The following CEP295 variants were observed in gnomAD, a reference collection of about 807,000 sequenced individuals.
The protein encoded by CEP295 is centrosomal protein of 295 kDa.
In CEP295, 190 loss-of-function variants were observed where a neutral mutation model predicts 291.6. That is an observed-to-expected ratio of 0.65 (90% CI 0.58 to 0.73). CEP295 has a LOEUF of 0.73. Among genes scored for constraint, CEP295 ranks in the 30% least tolerant of loss-of-function variants. The pLI, the probability that CEP295 is intolerant of heterozygous loss-of-function variation, is 0.00. For missense variants in CEP295, 2,863 were observed against 2,949.4 expected, an observed-to-expected ratio of 0.97 and a Z score of 0.68; for synonymous variants, 993 against 1,038.8, an observed-to-expected ratio of 0.96 and a Z score of 0.85.
chr11:93,684,965 T>C lies in CEP295; in HGVS notation c.1114+837T>C, dbSNP rs150636599. Among the ~76,000 whole-genome samples the C allele has an allele frequency of 1.6e-4, 25 of 152,308 alleles. No individual in the cohort carries two copies. In the East Asian group the frequency reaches 4.6e-3, roughly 28 times the overall value. On this transcript the variant is annotated intron_variant, in intron 9 of 29. Coordinates refer to ENST00000325212, the MANE Select transcript of CEP295 (RefSeq NM_033395.2). ...AATTTTGATCTCTCAAACATCTCTA[T>C]CTCCAACATTCTGAACTTTTTTACT... is the stretch of plus-strand genomic sequence containing the variant.
At chr11:93,672,690 ACTGT>A (rs1950509350) in intron 5 of CEP295, among the ~76,000 whole-genome samples, 1 of 152,182 alleles carries the variant, frequency 6.6e-6, no homozygotes, top group African/African-American at 2.4e-5. Context: ...AGAAATAGTT[ACTGT>A]GGAGCAAAAC....
chr11:93,715,460 TCCCACTTGGTGCTATTC>T (rs548803606), intron 18 of CEP295, among the ~76,000 whole-genome samples: 1 of 152,180 alleles, frequency 6.6e-6, no homozygotes, highest in Admixed American at 6.5e-5. Flanking sequence ...GACTCCAAGA[TCCCACTTGGTGCTATTC>T]CCCACTGTGG....
intron 22 of CEP295, among the ~76,000 whole-genome samples, chr11:93,725,239 C>T (rs1221139778): frequency 2.0e-5 from 3 of 150,978 alleles, no homozygotes; most frequent in Non-Finnish European, 4.4e-5. Context: ...ATAGTGAGAC[C>T]CCATCTCAAA....
chr11:93,679,407 G>A lies in CEP295; in HGVS notation c.625-5G>A. The A allele has an allele frequency of 6.5e-7, 1 of 1,545,468 alleles. No individual in the cohort carries two copies. The highest frequency in any genetic ancestry group is 8.7e-7 in the Non-Finnish European group (1 of 1,144,146). On this transcript the variant is annotated splice_polypyrimidine_tract_variant and splice_region_variant and intron_variant, in intron 6 of 29. Coordinates refer to ENST00000325212, the MANE Select transcript of CEP295 (RefSeq NM_033395.2). ...TTTTGCCTACAATTTTTGATTGACT[G>A]CTAGCCAGATGCTCGTTTGGCTGCT...
chr11:93,676,044 T>G (rs1950672773), intron 6 of CEP295, among the ~76,000 whole-genome samples: 1 of 152,090 alleles, frequency 6.6e-6, no homozygotes, highest in Non-Finnish European at 1.5e-5. Context: ...ATAACCTTTA[T>G]TTAAATATAA....
chr11:93,710,705 G>A (rs1952835424), intron 18 of CEP295, among the ~76,000 whole-genome samples: 1 of 152,134 alleles, frequency 6.6e-6, no homozygotes, highest in Admixed American at 6.5e-5. Context: ...TTGCCTTTAA[G>A]TGTTCGGTAA....
intron 18 of CEP295, among the ~76,000 whole-genome samples, chr11:93,707,937 A>T (rs112250918): frequency 6.6e-6 from 1 of 152,206 alleles, no homozygotes; most frequent in Non-Finnish European, 1.5e-5. Context: ...TGACTTTAAC[A>T]TCTCTTTAAA....
chr11:93,707,148 A>G (rs974570316), intron 18 of CEP295, among the ~76,000 whole-genome samples: 5 of 152,340 alleles, frequency 3.3e-5, no homozygotes, highest in African/African-American at 7.2e-5. Flanking sequence ...GGCAGCATCC[A>G]TAAATTTTAT....
intron 25 of CEP295, 127 bp downstream of exon 25, chr11:93,728,948 A>G: frequency 1.4e-6 from 1 of 727,534 alleles, no homozygotes; most frequent in Non-Finnish European, 2.2e-6. Flanking sequence ...CGACACCCCC[A>G]CCAGCTCTCA....
intron 18 of CEP295, among the ~76,000 whole-genome samples, chr11:93,716,657 G>A (rs1202378919): frequency 1.3e-5 from 2 of 152,180 alleles, no homozygotes; most frequent in Middle Eastern, 3.2e-3. Context: ...AAAAGGGGGT[G>A]GGCTAGCTTG....
At chr11:93,679,085 C>A (rs781270486) in intron 6 of CEP295, among the ~76,000 whole-genome samples, 1 of 152,080 alleles carries the variant, frequency 6.6e-6, no homozygotes, top group Non-Finnish European at 1.5e-5. Context: ...TCAGGTGATC[C>A]ACCCACCTCG....
At chr11:93,668,425 C>T (rs186748166) in intron 3 of CEP295, among the ~76,000 whole-genome samples, 4 of 152,078 alleles carry the variant, frequency 2.6e-5, no homozygotes, top group Admixed American at 6.5e-5. Context: ...TGGTTTTATG[C>T]ATGCCACATT....
intron 18 of CEP295, among the ~76,000 whole-genome samples, chr11:93,712,090 T>C (rs1369260598): frequency 6.6e-6 from 1 of 152,150 alleles, no homozygotes; most frequent in Admixed American, 6.5e-5. Context: ...TCTAGCTATC[T>C]CTTTAGCTGT....
In CEP295 at chr11:93,684,185, C is replaced by T. The variant is rs1951112464; in HGVS notation, c.1114+57C>T. 3 of 1,466,450 alleles carry T rather than the reference C, an allele frequency of 2.0e-6. No homozygotes were observed. The East Asian group carries it at 7.4e-5, about 36-fold the overall frequency. 90.8% of individuals were successfully genotyped at this position (1,466,450 alleles called of 1,614,324 possible). On this transcript the variant is annotated intron_variant, in intron 9 of 29. Coordinates refer to ENST00000325212, the MANE Select transcript of CEP295 (RefSeq NM_033395.2). Reference sequence around the variant, plus strand: ...ATTTCACAGAAAAAAAAAATGCTAACCATTAGCCAGCAGTTAGGAAAATCT... The same window carrying T: ...ATTTCACAGAAAAAAAAAATGCTAATCATTAGCCAGCAGTTAGGAAAATCT...
At chr11:93,669,617 C>G in intron 4 of CEP295, 60 bp from the exon 5 acceptor site, 2 of 1,093,512 alleles carry the variant, frequency 1.8e-6, no homozygotes, top group Non-Finnish European at 2.7e-6. Context: ...TATTTTTAAC[C>G]CTGTTGTACT....
chr11:93,714,720 T>G (rs1052130735), intron 18 of CEP295, among the ~76,000 whole-genome samples: 1 of 152,242 alleles, frequency 6.6e-6, no homozygotes, highest in Admixed American at 6.5e-5. Flanking sequence ...CTGTAGTTCT[T>G]GCAGACTCAT....
At chr11:93,680,848 C>T (rs1950924933) in intron 7 of CEP295, among the ~76,000 whole-genome samples, 1 of 151,382 alleles carries the variant, frequency 6.6e-6, no homozygotes, top group Admixed American at 6.6e-5. Flanking sequence ...TTTTAAATAC[C>T]CATCTTAGGA....
At chr11:93,692,942 C>T (rs574705366) in intron 12 of CEP295, among the ~76,000 whole-genome samples, 1 of 145,424 alleles carries the variant, frequency 6.9e-6, no homozygotes, top group Admixed American at 7.1e-5. Flanking sequence ...CACTGCACTC[C>T]AGCCTGGATG....
chr11:93,681,177 C>T (rs996666291), intron 7 of CEP295, among the ~76,000 whole-genome samples: 3 of 151,942 alleles, frequency 2.0e-5, no homozygotes, highest in African/African-American at 7.2e-5. Context: ...TCTTCTTCAC[C>T]ACTCAGCTGT....
Sources: allele counts gnomAD v4.1 joint callset (sites outside exome capture counted in the v4.1 genomes callset), GRCh38; gene constraint gnomAD v4.1.1; transcripts MANE v1.5; gene names NCBI Gene and HGNC (gene_info 2026-07-23, HGNC 2026-07-21).